Variants in CHN2 observed in about 807,000 individuals in gnomAD.
CHN2 encodes beta-chimaerin.
Under a neutral mutation model 56.3 loss-of-function variants are expected in CHN2, and 35 were observed. The ratio of observed to expected loss-of-function variants is 0.62; its 90% CI spans 0.47 to 0.82. CHN2 has a LOEUF of 0.82. CHN2 is among the 40% of genes least tolerant of loss of function. The pLI is 0.00. For synonymous variants in CHN2, 210 were observed against 212.8 expected, an observed-to-expected ratio of 0.99 and a Z score of 0.12; for missense variants, 491 against 580.5, an observed-to-expected ratio of 0.85 and a Z score of 1.58.
At chr7:29,467,674 G>T (rs1018689847) in intron 6 of CHN2, among the ~76,000 whole-genome samples, 2 of 152,208 alleles carry the variant, frequency 1.3e-5, no homozygotes, top group African/African-American at 4.8e-5. Context: ...ATCACATGAA[G>T]TTTAAGAGAA....
intron 1 of CHN2, among the ~76,000 whole-genome samples, chr7:29,322,284 T>G (rs1279071402): frequency 6.6e-6 from 1 of 152,168 alleles, no homozygotes; most frequent in Non-Finnish European, 1.5e-5. Flanking sequence ...TATGGTTGCT[T>G]TCAAATGCTT....
At chr7:29,272,555 G>C (rs1003102575) in intron 1 of CHN2, among the ~76,000 whole-genome samples, 2 of 151,536 alleles carry the variant, frequency 1.3e-5, no homozygotes, top group African/African-American at 2.4e-5. Flanking sequence ...TTGTCTATGG[G>C]GCTGGAGGAG....
chr7:29,302,410 A>G (rs1289717840), intron 1 of CHN2, among the ~76,000 whole-genome samples: 4 of 151,830 alleles, frequency 2.6e-5, no homozygotes, highest in Non-Finnish European at 4.4e-5. Flanking sequence ...TGCAGCTGCA[A>G]ACTCCTGAGC....
intron 6 of CHN2, among the ~76,000 whole-genome samples, chr7:29,439,591 C>A (rs1237244281): frequency 1.3e-5 from 2 of 152,192 alleles, no homozygotes; most frequent in Admixed American, 1.3e-4. Context: ...CCCCATATGA[C>A]CCTCTGCTGT....
chr7:29,443,374 A>G (rs1260765077), intron 6 of CHN2, among the ~76,000 whole-genome samples: 1 of 152,240 alleles, frequency 6.6e-6, no homozygotes, highest in Non-Finnish European at 1.5e-5. Context: ...GCCTAGGTAC[A>G]TAGTAGGCTC....
chr7:29,351,475 G>A (rs776579832), intron 1 of CHN2, among the ~76,000 whole-genome samples: 2 of 152,216 alleles, frequency 1.3e-5, no homozygotes, highest in African/African-American at 2.4e-5. Context: ...AATAATTTCA[G>A]AGGGTAATAG....
chr7:29,389,979 GGGAGGT>G (rs1181502213), intron 3 of CHN2, among the ~76,000 whole-genome samples: 4 of 151,358 alleles, frequency 2.6e-5, no homozygotes, highest in African/African-American at 9.7e-5. Flanking sequence ...ATTTGAATCC[GGGAGGT>G]GGAGGTTGTA....
intron 1 of CHN2, among the ~76,000 whole-genome samples, chr7:29,239,501 T>TAC (rs200952117): frequency 2.6e-5 from 4 of 152,112 alleles, no homozygotes; most frequent in East Asian, 3.8e-4. Flanking sequence ...TATGAAATTT[T>TAC]ACACACACAC....
intron 11 of CHN2, among the ~76,000 whole-genome samples, chr7:29,508,379 AG>A (rs1170124901): frequency 6.6e-6 from 1 of 150,888 alleles, no homozygotes; most frequent in Non-Finnish European, 1.5e-5. Context: ...GCTCACTTTG[AG>A]GAAGTTTTTG....
At chr7:29,405,881 C>G (rs1158098652) in intron 6 of CHN2, among the ~76,000 whole-genome samples, 1 of 152,126 alleles carries the variant, frequency 6.6e-6, no homozygotes, top group Non-Finnish European at 1.5e-5. Context: ...CTGGCCTGTC[C>G]CGGTATCTTT....
intron 1 of CHN2, among the ~76,000 whole-genome samples, chr7:29,291,750 T>C (rs2128869641): frequency 6.6e-6 from 1 of 152,296 alleles, no homozygotes; most frequent in South Asian, 2.1e-4. Flanking sequence ...TTTTAAGTAT[T>C]AAATCCTAGA....
chr7:29,410,497 C>T (rs1803101424), intron 6 of CHN2, among the ~76,000 whole-genome samples: 1 of 151,688 alleles, frequency 6.6e-6, no homozygotes, highest in Non-Finnish European at 1.5e-5. Flanking sequence ...AGTATATTTG[C>T]ATTATGTCTG....
intron 7 of CHN2, among the ~76,000 whole-genome samples, chr7:29,481,107 A>AGGG (rs1787168059): frequency 6.6e-6 from 1 of 152,340 alleles, no homozygotes; most frequent in South Asian, 2.1e-4. Flanking sequence ...AGGGCTGGAA[A>AGGG]GGGATGCTGC....
At chr7:29,252,187 A>ATT (rs3046893) in intron 1 of CHN2, among the ~76,000 whole-genome samples, 18,099 of 113,838 alleles carry the variant, frequency 0.16, 1,833 homozygotes, top group African/African-American at 0.19. Context: ...ATTATACAGG[A>ATT]TTTTTTTTTT....
intron 1 of CHN2, among the ~76,000 whole-genome samples, chr7:29,328,622 CTTT>C (rs554215741): frequency 1.3e-5 from 2 of 151,316 alleles, no homozygotes; most frequent in Non-Finnish European, 2.9e-5. Context: ...AACCTTCACT[CTTT>C]TATTACCATT....
rs1432245049 is a variant in CHN2, at chr7:29,222,265, T to A, written c.49+27275T>A. ...TGCTCATGGATAGCAAGAATCAATATCGTGAAAATGACCATACTGCCCAAA... is the reference window on the plus strand; with the variant it reads ...TGCTCATGGATAGCAAGAATCAATAACGTGAAAATGACCATACTGCCCAAA... On this transcript the variant is annotated intron_variant, in intron 1 of 12. Transcript: ENST00000222792. Among the ~76,000 whole-genome samples, 5 of 152,176 alleles carry A rather than the reference T, an allele frequency of 3.3e-5. No individual in the cohort carries two copies. In the East Asian group the frequency reaches 9.6e-4, roughly 29 times the overall value.
At chr7:29,298,007 G>A (rs1793328459) in intron 1 of CHN2, among the ~76,000 whole-genome samples, 2 of 152,312 alleles carry the variant, frequency 1.3e-5, no homozygotes, top group East Asian at 3.9e-4. Flanking sequence ...TCGTGAGGGA[G>A]AGAAGGAAGA....
At chr7:29,375,682 C>T (rs1192926781) in intron 3 of CHN2, among the ~76,000 whole-genome samples, 3 of 152,186 alleles carry the variant, frequency 2.0e-5, no homozygotes, top group Non-Finnish European at 2.9e-5. Context: ...ACTCATTGAT[C>T]TCAGGTGGTG....
chr7:29,171,241 A>G (rs983732101), intron 2 of CHN2, among the ~76,000 whole-genome samples: 2 of 152,088 alleles, frequency 1.3e-5, no homozygotes, highest in African/African-American at 2.4e-5. Flanking sequence ...TACGCGTCCT[A>G]CTGTATTCTT....
Sources: gnomAD v4.1 joint callset for allele counts (sites outside exome capture counted in the v4.1 genomes callset) on GRCh38, gnomAD v4.1.1 for gene constraint, MANE v1.5 for transcripts, NCBI Gene and HGNC (gene_info 2026-07-23, HGNC 2026-07-21) for gene names.